GAB2: variants seen among roughly 807,000 people sequenced by gnomAD.
GAB2 encodes the protein GRB2-associated-binding protein 2.
A neutral mutation model predicts 65.5 loss-of-function variants in GAB2; 26 were observed. The observed-to-expected ratio is 0.40, with a 90% CI of 0.29 to 0.55. GAB2 has a LOEUF of 0.55. Ranked by LOEUF, GAB2 falls within the 20% of genes least tolerant of loss-of-function variation. The pLI, the probability that GAB2 is intolerant of heterozygous loss-of-function variation, is 0.53. For missense variants in GAB2, 884 were observed against 875.8 expected (o/e 1.01, Z -0.12); for synonymous variants, 321 against 329.6 (o/e 0.97, Z 0.28).
chr11:78,396,012 T>C (rs1309000377), intron 1 of GAB2, among the ~76,000 whole-genome samples: 1 of 152,232 alleles, frequency 6.6e-6, no homozygotes, highest in Non-Finnish European at 1.5e-5. Flanking sequence ...AAGCATAGTA[T>C]CGACTACCTG....
chr11:78,226,620 G>GGGGGGGGGGGGGGGGCC lies in GAB2; in HGVS notation c.1051_1052insGGCCCCCCCCCCCCCCC (p.Pro351ArgfsTer82). 2 of 1,500,578 alleles carry GGGGGGGGGGGGGGGGCC rather than the reference G, an allele frequency of 1.3e-6. No individual in the cohort carries two copies. Among genetic ancestry groups the GGGGGGGGGGGGGGGGCC allele is most frequent in the Non-Finnish European group, 1.9e-6 (2 of 1,079,038 alleles). The allele number at this position is 1,500,578 out of a possible 1,614,324, so 93.0% of individuals were successfully genotyped here. ...ACTTGGCTTGGGGGGGCGGGGTGGG[G>GGGGGGGGGGGGGGGGCC]GAGCTATGGCTGAGTCCCCAGGAGT... On this transcript the variant is annotated frameshift_variant, in exon 4 of 10. Coordinates refer to ENST00000361507, the MANE Select transcript of GAB2 (RefSeq NM_080491.3). LOFTEE classifies it high-confidence loss of function.
intron 1 of GAB2, among the ~76,000 whole-genome samples, chr11:78,318,682 C>G (rs796406692): frequency 3.3e-5 from 5 of 152,238 alleles, no homozygotes; most frequent in African/African-American, 1.2e-4. Flanking sequence ...CACCAGGGAC[C>G]TTGAACCACA....
intron 1 of GAB2, among the ~76,000 whole-genome samples, chr11:78,395,783 G>A (rs1856888255): frequency 6.6e-6 from 1 of 152,176 alleles, no homozygotes; most frequent in South Asian, 2.1e-4. Context: ...GGAGATTAAA[G>A]CTCAGAAAGA....
chr11:78,335,824 G>A (rs115010438), intron 1 of GAB2, among the ~76,000 whole-genome samples: 1,865 of 152,216 alleles, frequency 0.012, 32 homozygotes, highest in African/African-American at 0.042. Context: ...GATTTGGGTA[G>A]TATGGACATT....
intron 1 of GAB2, among the ~76,000 whole-genome samples, chr11:78,393,797 T>G (rs577263176): frequency 1.9e-4 from 29 of 152,394 alleles, no homozygotes; most frequent in African/African-American, 7.0e-4. Flanking sequence ...GTGTTTACAA[T>G]GTGCCTGGCA....
intron 1 of GAB2, among the ~76,000 whole-genome samples, chr11:78,294,433 T>C (rs944343947): frequency 6.6e-6 from 1 of 152,206 alleles, no homozygotes; most frequent in African/African-American, 2.4e-5. Context: ...ATATACCCAG[T>C]AATGGGATTG....
intron 1 of GAB2, among the ~76,000 whole-genome samples, chr11:78,412,421 T>C (rs537030734): frequency 6.6e-6 from 1 of 152,312 alleles, no homozygotes; most frequent in Non-Finnish European, 1.5e-5. Flanking sequence ...AAATCTTAAG[T>C]ACTGCATGAA....
intron 3 of GAB2, among the ~76,000 whole-genome samples, chr11:78,246,634 G>T (rs992770800): frequency 1.3e-5 from 2 of 152,062 alleles, no homozygotes; most frequent in African/African-American, 4.8e-5. Context: ...GAGTAGCTGG[G>T]ATTACAGGGG....
chr11:78,395,042 G>A (rs528854628), intron 1 of GAB2, among the ~76,000 whole-genome samples: 1 of 152,096 alleles, frequency 6.6e-6, no homozygotes, highest in East Asian at 1.9e-4. Flanking sequence ...TACACACTGG[G>A]CAACTGGGCA....
rs1173485535 is a variant in GAB2, at chr11:78,291,555, CTTTTTCTT to C, written c.76-10662_76-10655del. Among the ~76,000 whole-genome samples the C allele has an allele frequency of 1.3e-3, 73 of 55,048 alleles. 4 individuals carry two copies. Among genetic ancestry groups the C allele is most frequent in the East Asian group, 5.1e-3 (10 of 1,962 alleles). 36.1% of individuals were successfully genotyped at this position (55,048 alleles called of 152,430 possible). On this transcript the variant is annotated intron_variant, in intron 1 of 9. Transcript: ENST00000361507. ...CCTATCTTGAGAGACTTACTTTTTT[CTTTTTCTT>C]TTTTTTTTTTTTTTTTTTTTTTTTT...
chr11:78,328,022 T>C (rs1339036534), intron 1 of GAB2, among the ~76,000 whole-genome samples: 3 of 152,008 alleles, frequency 2.0e-5, no homozygotes, highest in African/African-American at 7.2e-5. Flanking sequence ...GGCCTAGAAG[T>C]GGAAAAGTGG....
intron 1 of GAB2, among the ~76,000 whole-genome samples, chr11:78,407,474 T>C (rs552719121): frequency 6.6e-6 from 1 of 151,534 alleles, no homozygotes; most frequent in East Asian, 1.9e-4. Context: ...CTACCAAAAA[T>C]ACAAAAAAAT....
rs1011760503 is a variant in GAB2 at position 78,217,789 on chromosome 11, G to C, written c.*1483C>G. ...CCTGGAATGCTAGGGAGCAACAGAG[G>C]GCGGATGAGCTGAGGAAACACTGGG... is the stretch of plus-strand genomic sequence containing the variant. On this transcript the variant is annotated 3_prime_UTR_variant, in exon 10 of 10. Coordinates refer to ENST00000361507, the MANE Select transcript of GAB2 (RefSeq NM_080491.3). 2.0e-5 allele frequency: 3 copies of C among 152,070 alleles called. No individual in the cohort carries two copies. Among genetic ancestry groups the C allele is most frequent in the African/African-American group, 7.3e-5 (3 of 41,168 alleles). The allele number at this position is 152,070 out of a possible 1,614,324, so 9.4% of individuals were successfully genotyped here.
intron 1 of GAB2, among the ~76,000 whole-genome samples, chr11:78,282,647 G>A (rs547812340): frequency 1.3e-5 from 2 of 152,020 alleles, no homozygotes; most frequent in South Asian, 4.2e-4. Context: ...TTACCTCTTT[G>A]AATCCTGCCT....
chr11:78,271,369 T>C (rs1031231398), intron 2 of GAB2, among the ~76,000 whole-genome samples: 3 of 152,254 alleles, frequency 2.0e-5, no homozygotes, highest in Admixed American at 1.3e-4. Context: ...ACATATATGA[T>C]ATAGCATCTT....
intron 1 of GAB2, among the ~76,000 whole-genome samples, chr11:78,298,394 C>A (rs991308379): frequency 1.3e-5 from 2 of 152,162 alleles, no homozygotes; most frequent in Non-Finnish European, 2.9e-5. Flanking sequence ...TCTGACAAGT[C>A]TATTATGGTG....
intron 1 of GAB2, among the ~76,000 whole-genome samples, chr11:78,337,354 T>G (rs1206279402): frequency 6.6e-6 from 1 of 152,220 alleles, no homozygotes; most frequent in East Asian, 1.9e-4. Context: ...GGGTTTCCTT[T>G]TTGCTGTAGT....
At chr11:78,250,656 C>G (rs1349707052) in intron 2 of GAB2, among the ~76,000 whole-genome samples, 1 of 152,150 alleles carries the variant, frequency 6.6e-6, no homozygotes, top group Non-Finnish European at 1.5e-5. Context: ...ATCTGCCCCA[C>G]TTCCAGGAAG....
In GAB2 at chr11:78,288,116, A is replaced by T. The variant is rs561071363; in HGVS notation, c.76-7215T>A. On this transcript the variant is annotated intron_variant, in intron 1 of 9. Transcript: ENST00000361507. The stretch of plus-strand genomic sequence containing the variant: ...AAATCGTGGCTGGGCACAGTGGCTC[A>T]TGCCTGTAATCCTAGTACTTTAGGA... 2.0e-5 allele frequency among the ~76,000 whole-genome samples: 3 copies of T among 151,876 alleles called. No individual in the cohort carries two copies. The East Asian group carries it at 5.8e-4, about 30-fold the overall frequency.
Sources: gnomAD v4.1 joint callset for allele counts (sites outside exome capture counted in the v4.1 genomes callset) on GRCh38, gnomAD v4.1.1 for gene constraint, MANE v1.5 for transcripts, NCBI Gene and HGNC (gene_info 2026-07-23, HGNC 2026-07-21) for gene names.